FHOD3: variants seen among roughly 807,000 people sequenced by gnomAD.
The protein encoded by FHOD3 is FH1/FH2 domain-containing protein 3.
In FHOD3, 90 loss-of-function variants were observed where a neutral mutation model predicts 173.0. The ratio of observed to expected loss-of-function variants is 0.52; its 90% CI spans 0.44 to 0.62. The LOEUF (loss-of-function observed/expected upper bound fraction) is 0.62, where lower values mean the gene tolerates loss of function less well. FHOD3 is among the 20% of genes least tolerant of loss of function. FHOD3 has a pLI of 0.00. For synonymous variants in FHOD3, 828 were observed against 823.0 expected, an observed-to-expected ratio of 1.01 and a Z score of -0.10; for missense variants, 1,945 against 2,034.7, an observed-to-expected ratio of 0.96 and a Z score of 0.85.
At chr18:36,384,833 G>A (rs2047953346) in intron 3 of FHOD3, among the ~76,000 whole-genome samples, 1 of 152,126 alleles carries the variant, frequency 6.6e-6, no homozygotes, top group African/African-American at 2.4e-5. Context: ...TGGTGATGAT[G>A]CAAATGGTCA....
chr18:36,417,478 A>G (rs995620261), intron 3 of FHOD3, among the ~76,000 whole-genome samples: 8 of 152,104 alleles, frequency 5.3e-5, no homozygotes, highest in African/African-American at 1.7e-4. Context: ...ATTCATGGGC[A>G]TTTAGGTTGA....
chr18:36,670,048 A>G (rs1308553609), intron 14 of FHOD3, among the ~76,000 whole-genome samples: 1 of 151,922 alleles, frequency 6.6e-6, no homozygotes, highest in Non-Finnish European at 1.5e-5. Context: ...TCAGTACTCT[A>G]AAGATGTTGC....
intron 3 of FHOD3, among the ~76,000 whole-genome samples, chr18:36,391,260 C>A (rs1247602924): frequency 6.6e-6 from 1 of 152,100 alleles, no homozygotes; most frequent in African/African-American, 2.4e-5. Flanking sequence ...GTCTGGGGGG[C>A]AAAGTGTACC....
At chr18:36,529,825 G>A (rs940041708) in intron 5 of FHOD3, among the ~76,000 whole-genome samples, 2 of 152,080 alleles carry the variant, frequency 1.3e-5, no homozygotes, top group Non-Finnish European at 2.9e-5. Flanking sequence ...AAATTAAAAA[G>A]GTTAAGGTGG....
chr18:36,693,144 T>C (rs1030511842), intron 16 of FHOD3, 65 bp from the exon 17 acceptor site: 5 of 1,480,402 alleles, frequency 3.4e-6, no homozygotes, highest in Non-Finnish European at 4.6e-6. Context: ...GTTTCATCCA[T>C]AAACAAGCAT....
At chr18:36,634,548 G>A (rs1017351967) in intron 10 of FHOD3, among the ~76,000 whole-genome samples, 1 of 152,142 alleles carries the variant, frequency 6.6e-6, no homozygotes, top group African/African-American at 2.4e-5. Flanking sequence ...GCAAGCAAAA[G>A]ACATACTGTG....
chr18:36,395,353 G>A (rs1415482919), intron 3 of FHOD3, among the ~76,000 whole-genome samples: 3 of 151,538 alleles, frequency 2.0e-5, no homozygotes, highest in African/African-American at 7.3e-5. Context: ...TTGTCAGAAT[G>A]CATAGCCATT....
intron 17 of FHOD3, among the ~76,000 whole-genome samples, chr18:36,705,207 G>A (rs545311470): frequency 8.5e-5 from 13 of 152,080 alleles, no homozygotes; most frequent in Non-Finnish European, 1.8e-4. Context: ...AACACACAGC[G>A]CTGGTTGCCC....
At position 36,718,048 on chromosome 18, in the gene FHOD3, A is replaced by G. The variant is rs762073199; in HGVS notation, c.2750A>G (p.Gln917Arg). ...ATATCCACCCTGCAGGCCAACTCTC[A>G]GACCCAGGATGAGAGTGTCAGGAGG... ...TRISTLQANS[Q>R]TQDESVRRVD... Residue 917 changes from glutamine (Q) to arginine (R), a missense_variant, in exon 19 of 29, where the codon CAG (glutamine) becomes CGG (arginine). Transcript: ENST00000590592. 6.2e-7 allele frequency: 1 copy of G among 1,602,444 alleles called. No homozygotes were observed. Among genetic ancestry groups the G allele is most frequent in the Non-Finnish European group, 8.5e-7 (1 of 1,173,898 alleles).
intron 26 of FHOD3, among the ~76,000 whole-genome samples, 182 bp downstream of exon 26, chr18:36,759,323 C>T (rs905639383): frequency 2.0e-5 from 3 of 152,212 alleles, no homozygotes; most frequent in Admixed American, 2.0e-4. Context: ...CATCATGCCA[C>T]GTTTGCCAGG....
At chr18:36,519,472 G>C (rs2056163782) in intron 5 of FHOD3, among the ~76,000 whole-genome samples, 1 of 152,140 alleles carries the variant, frequency 6.6e-6, no homozygotes, top group East Asian at 1.9e-4. Context: ...TGGTCATTTG[G>C]GTAGATTTGG....
intron 27 of FHOD3, among the ~76,000 whole-genome samples, chr18:36,765,246 T>A (rs574674303): frequency 5.5e-4 from 84 of 152,290 alleles, no homozygotes; most frequent in African/African-American, 2.0e-3. Flanking sequence ...GAACAGATAC[T>A]TACTGATCTT....
At chr18:36,661,497 A>G (rs963793226) in intron 14 of FHOD3, among the ~76,000 whole-genome samples, 17 of 152,256 alleles carry the variant, frequency 1.1e-4, no homozygotes, top group South Asian at 2.1e-4. Flanking sequence ...CCCCTGACTA[A>G]TAAACATTGT....
At chr18:36,515,844 A>G (rs2055941784) in intron 5 of FHOD3, among the ~76,000 whole-genome samples, 1 of 152,218 alleles carries the variant, frequency 6.6e-6, no homozygotes, top group African/African-American at 2.4e-5. Context: ...CACTCCACTC[A>G]GGCTACTGCA....
At chr18:36,441,428 G>T (rs1456256189) in intron 3 of FHOD3, among the ~76,000 whole-genome samples, 3 of 152,192 alleles carry the variant, frequency 2.0e-5, no homozygotes, top group Non-Finnish European at 2.9e-5. Context: ...CATAGAGGAT[G>T]AGGACGAGGC....
chr18:36,321,148 A>G (rs946186854), intron 1 of FHOD3, among the ~76,000 whole-genome samples: 21 of 152,010 alleles, frequency 1.4e-4, no homozygotes, highest in Admixed American at 1.3e-4. Flanking sequence ...CTTAATGAGA[A>G]CACAGAAATG....
intron 3 of FHOD3, among the ~76,000 whole-genome samples, chr18:36,463,670 A>G (rs918715996): frequency 2.0e-5 from 3 of 151,582 alleles, no homozygotes; most frequent in African/African-American, 2.4e-5. Flanking sequence ...TAATTTTTGT[A>G]TTTTCTGTAG....
Position 36,523,443 on chromosome 18 carries a change from C to T in FHOD3, c.511+10900C>T, listed in dbSNP as rs115878813. Among the ~76,000 whole-genome samples, 399 of 152,324 alleles carry T rather than the reference C, an allele frequency of 2.6e-3. 2 individuals carry two copies. Among genetic ancestry groups the T allele is most frequent in the African/African-American group, 9.2e-3 (383 of 41,568 alleles). ...ATTGATCAGTGGTGCCTTTCTGGAG[C>T]AGTCTGCTGAGGATTCTGAGGCCAC... On this transcript the variant is annotated intron_variant, in intron 5 of 28. Transcript: ENST00000590592.
At chr18:36,332,803 G>A (rs1371450159) in intron 1 of FHOD3, among the ~76,000 whole-genome samples, 1 of 152,190 alleles carries the variant, frequency 6.6e-6, no homozygotes, top group Non-Finnish European at 1.5e-5. Flanking sequence ...GTCTCCCTCT[G>A]CCTGGGCCCC....
Sources: gnomAD v4.1 joint callset for allele counts (sites outside exome capture counted in the v4.1 genomes callset) on GRCh38, gnomAD v4.1.1 for gene constraint, MANE v1.5 for transcripts, NCBI Gene and HGNC (gene_info 2026-07-23, HGNC 2026-07-21) for gene names.